NEGR1: variants seen among roughly 807,000 people sequenced by gnomAD.
NEGR1 encodes the protein IgLON family member 4.
A neutral mutation model predicts 40.9 loss-of-function variants in NEGR1; 10 were observed. The ratio of observed to expected loss-of-function variants is 0.24; its 90% CI spans 0.15 to 0.42. The LOEUF (loss-of-function observed/expected upper bound fraction) is 0.42. Among genes scored for constraint, NEGR1 ranks in the 10% least tolerant of loss-of-function variants. The probability of loss-of-function intolerance (pLI) is 1.00; values close to 1 mark genes in which losing one functional copy is unlikely to be tolerated. For missense variants in NEGR1, 352 were observed against 438.9 expected, an observed-to-expected ratio of 0.80 and a Z score of 1.77; for synonymous variants, 185 against 166.8, an observed-to-expected ratio of 1.11 and a Z score of -0.84.
intron 6 of NEGR1, among the ~76,000 whole-genome samples, chr1:71,449,718 C>A (rs113108240): frequency 0.012 from 1,822 of 152,178 alleles, 40 homozygotes; most frequent in African/African-American, 0.041. Context: ...TTATTATCTT[C>A]ATTTTATACA....
At chr1:72,058,724 C>T (rs1318280555) in intron 1 of NEGR1, among the ~76,000 whole-genome samples, 2 of 151,504 alleles carry the variant, frequency 1.3e-5, no homozygotes, top group Non-Finnish European at 3.0e-5. Flanking sequence ...GCCTATTTAT[C>T]GCTGTGAAAA....
rs373769868 is a variant in NEGR1 at position 71,813,046 on chromosome 1, A to G, written c.410-36749T>C. Among the ~76,000 whole-genome samples the G allele has an allele frequency of 4.8e-4, 73 of 152,246 alleles. No individual in the cohort carries two copies. In the East Asian group the frequency reaches 0.013, roughly 27 times the overall value. On this transcript the variant is annotated intron_variant, in intron 2 of 6. Transcript: ENST00000357731. Reference sequence around the variant, plus strand: ...AATTGTATTGCCTAGATTTACTTCTAGGATTTTTACAAATTTGGATTTTAT... The same window carrying G: ...AATTGTATTGCCTAGATTTACTTCTGGGATTTTTACAAATTTGGATTTTAT...
At chr1:72,024,068 A>T (rs1646785442) in intron 1 of NEGR1, among the ~76,000 whole-genome samples, 1 of 152,122 alleles carries the variant, frequency 6.6e-6, no homozygotes. Context: ...CTCTAATATA[A>T]AATTTACTAA....
intron 6 of NEGR1, among the ~76,000 whole-genome samples, chr1:71,470,523 A>T (rs1246859165): frequency 1.3e-5 from 2 of 152,118 alleles, no homozygotes; most frequent in African/African-American, 4.8e-5. Context: ...TAACTTAAGG[A>T]TATATCTCTT....
chr1:71,782,767 A>C (rs201372557), intron 2 of NEGR1, among the ~76,000 whole-genome samples: 1 of 152,198 alleles, frequency 6.6e-6, no homozygotes, highest in Non-Finnish European at 1.5e-5. Context: ...TGAAAATGTA[A>C]TTATAATTTC....
chr1:72,022,573 T>C (rs1361622667), intron 1 of NEGR1, among the ~76,000 whole-genome samples: 1 of 150,728 alleles, frequency 6.6e-6, no homozygotes, highest in African/African-American at 2.4e-5. Flanking sequence ...AATACATGTA[T>C]ATATAAATTA....
chr1:71,812,719 C>T (rs1041131000), intron 2 of NEGR1, among the ~76,000 whole-genome samples: 1 of 151,988 alleles, frequency 6.6e-6, no homozygotes, highest in Admixed American at 6.6e-5. Flanking sequence ...CTATTCAAGT[C>T]CTTTGCTCAC....
intron 1 of NEGR1, among the ~76,000 whole-genome samples, chr1:72,279,081 T>C (rs1243491888): frequency 6.6e-6 from 1 of 152,124 alleles, no homozygotes. Context: ...ATGGCTTCAC[T>C]AACCCTAAAA....
intron 4 of NEGR1, among the ~76,000 whole-genome samples, chr1:71,647,673 A>G (rs534639052): frequency 6.6e-6 from 1 of 152,052 alleles, no homozygotes; most frequent in South Asian, 2.1e-4. Flanking sequence ...GTAGAGACAG[A>G]TTTATACTGA....
chr1:72,079,037 A>G (rs1301443917), intron 1 of NEGR1, among the ~76,000 whole-genome samples: 1 of 150,440 alleles, frequency 6.6e-6, no homozygotes, highest in East Asian at 2.0e-4. Flanking sequence ...TTAGATTTTA[A>G]ACAAATGAGC....
chr1:71,863,492 G>C (rs923370884), intron 2 of NEGR1, among the ~76,000 whole-genome samples: 16 of 152,126 alleles, frequency 1.1e-4, no homozygotes, highest in Non-Finnish European at 2.2e-4. Context: ...GCTAATGGGT[G>C]CTGGGCTTAA....
chr1:72,149,697 A>G (rs1651043945), intron 1 of NEGR1, among the ~76,000 whole-genome samples: 1 of 151,786 alleles, frequency 6.6e-6, no homozygotes, highest in Non-Finnish European at 1.5e-5. Flanking sequence ...AGACTGACCA[A>G]CGTGGAGAAA....
At chr1:71,865,014 T>C (rs1178185791) in intron 2 of NEGR1, among the ~76,000 whole-genome samples, 2 of 152,148 alleles carry the variant, frequency 1.3e-5, no homozygotes, top group Admixed American at 6.6e-5. Context: ...AGGCAGTTTT[T>C]AGAGAGGACA....
At chr1:72,047,448 A>G (rs1266714815) in intron 1 of NEGR1, among the ~76,000 whole-genome samples, 1 of 151,460 alleles carries the variant, frequency 6.6e-6, no homozygotes, top group Non-Finnish European at 1.5e-5. Context: ...TAAATAATAT[A>G]AGCTAATTTT....
chr1:71,669,437 T>C (rs1652344476), intron 4 of NEGR1, among the ~76,000 whole-genome samples: 1 of 152,152 alleles, frequency 6.6e-6, no homozygotes, highest in South Asian at 2.1e-4. Context: ...AGAGTAGCTA[T>C]TTTTATTATA....
intron 2 of NEGR1, among the ~76,000 whole-genome samples, chr1:71,795,218 G>A (rs1216552012): frequency 6.6e-6 from 1 of 151,868 alleles, no homozygotes; most frequent in African/African-American, 2.4e-5. Flanking sequence ...GAATGCCCTA[G>A]AGGAAATACT....
intron 1 of NEGR1, among the ~76,000 whole-genome samples, chr1:72,202,583 T>A (rs1243130355): frequency 2.0e-5 from 3 of 151,976 alleles, no homozygotes; most frequent in Non-Finnish European, 4.4e-5. Flanking sequence ...AGTGTTTTAG[T>A]GGTCTGGATA....
At chr1:71,442,379 C>T (rs531723411) in intron 6 of NEGR1, among the ~76,000 whole-genome samples, 1 of 152,142 alleles carries the variant, frequency 6.6e-6, no homozygotes, top group East Asian at 1.9e-4. Flanking sequence ...CTTTGGGAGG[C>T]TGAAGTGGGC....
chr1:72,248,773 T>C (rs182093453), intron 1 of NEGR1, among the ~76,000 whole-genome samples: 13 of 140,414 alleles, frequency 9.3e-5, no homozygotes, highest in African/African-American at 3.2e-4. Context: ...AGTAGAAACA[T>C]GGTTTCGCCA....
Sources: allele counts gnomAD v4.1 joint callset (sites outside exome capture counted in the v4.1 genomes callset), GRCh38; gene constraint gnomAD v4.1.1; transcripts MANE v1.5; gene names NCBI Gene and HGNC (gene_info 2026-07-23, HGNC 2026-07-21).